Variants in NECAB3 observed in about 807,000 individuals in gnomAD.
NECAB3 encodes N-terminal EF-hand calcium binding protein 3.
NECAB3 carries 38 observed loss-of-function variants against 57.2 expected under a neutral mutation model. The observed-to-expected ratio is 0.66, with a 90% CI of 0.51 to 0.87. The LOEUF (loss-of-function observed/expected upper bound fraction) is 0.87, where lower values mean the gene tolerates loss of function less well. NECAB3 is among the 40% of genes least tolerant of loss of function. NECAB3 has a pLI of 0.00. For missense variants in NECAB3, 474 were observed against 527.5 expected (o/e 0.90, Z 0.99); for synonymous variants, 223 against 222.6 (o/e 1.00, Z -0.02).
intron 5 of NECAB3, chr20:33,662,716 G>A: frequency 2.1e-6 from 1 of 472,056 alleles, no homozygotes; most frequent in Admixed American, 3.6e-5. Context: ...AAGGTGGGTG[G>A]ATAACTTCAG....
intron 5 of NECAB3, chr20:33,667,608 G>A: frequency 2.5e-6 from 4 of 1,589,360 alleles, no homozygotes; most frequent in South Asian, 1.1e-5. Context: ...CGGGTCACTC[G>A]TGGCACCAGG....
chr20:33,669,452 C>A lies in NECAB3; in HGVS notation c.310G>T (p.Gly104Cys), dbSNP rs201506050. The change falls in exon 5 of 12, where the codon GGT becomes TGT. Residue 104 changes from glycine to cysteine, a missense_variant. Coordinates refer to ENST00000246190, the MANE Select transcript of NECAB3 (RefSeq NM_031232.4). Reference protein sequence around the residue: ...KLCDYFSEHLGVYRPVLAALE... With the variant: ...KLCDYFSEHLCVYRPVLAALE... ...GCAGCCAGCACCGGCCGGTAGACAC[C>A]CAGGTGCTCTGAGAAGTAGTCTGCA... The A allele has an allele frequency of 6.2e-7, 1 of 1,613,720 alleles. No individual in the cohort carries two copies. The highest frequency in any genetic ancestry group is 2.2e-5 in the East Asian group (1 of 44,882).
chr20:33,672,835 C>T (rs1051332816), intron 1 of NECAB3, among the ~76,000 whole-genome samples: 3 of 152,192 alleles, frequency 2.0e-5, no homozygotes, highest in Non-Finnish European at 2.9e-5. Context: ...ACCTGAGCCC[C>T]GAGCTCTGCT....
intron 3 of NECAB3, 91 bp downstream of exon 3, chr20:33,670,593 C>T: frequency 1.1e-6 from 1 of 908,650 alleles, no homozygotes; most frequent in Non-Finnish European, 1.7e-6. Flanking sequence ...CCCTCTTCCT[C>T]ATCCTACAAA....
At chr20:33,663,663 TAGCG>T in intron 5 of NECAB3, 1 of 1,581,576 alleles carries the variant, frequency 6.3e-7, no homozygotes, top group African/African-American at 1.4e-5. Context: ...CGGGCGAAGG[TAGCG>T]AGCGCGAGCC....
At chr20:33,663,839 G>C (rs1043868980) in intron 5 of NECAB3, 2 of 1,401,292 alleles carry the variant, frequency 1.4e-6, no homozygotes, top group East Asian at 3.0e-5. Context: ...CCGCGCAAAC[G>C]GTGCCGCTGC....
intron 4 of NECAB3, 72 bp from the exon 5 acceptor site, chr20:33,669,544 T>C: frequency 1.3e-6 from 2 of 1,509,244 alleles, no homozygotes; most frequent in Non-Finnish European, 1.8e-6. Context: ...TCTGGCCCCC[T>C]GGAATTCCTC....
chr20:33,668,218 T>C (rs1352367744), intron 5 of NECAB3: 1 of 1,596,800 alleles, frequency 6.3e-7, no homozygotes, highest in Non-Finnish European at 8.5e-7. Flanking sequence ...CAGGCTGCTG[T>C]ACGATGTGTT....
chr20:33,669,425 A>G lies in NECAB3; in HGVS notation c.337T>C (p.Leu113=). 1.2e-6 allele frequency: 2 copies of G among 1,613,616 alleles called. No individual in the cohort carries two copies. Among genetic ancestry groups the G allele is most frequent in the Non-Finnish European group, 1.7e-6 (2 of 1,180,004 alleles). Residue 113 remains leucine (L), a synonymous_variant, in exon 5 of 12, where the codon TTG becomes CTG. Transcript: ENST00000246190. ...LGVYRPVLAA[L]ESLNRAVLAA... ...AGCACTGCACGGTTCAGCGATTCCA[A>G]TGCAGCCAGCACCGGCCGGTAGACA...
At position 33,674,372 on chromosome 20, in the gene NECAB3, G is replaced by A. The variant is rs2017905562; in HGVS notation, c.-20C>T. 1 of 1,165,862 alleles carries A rather than the reference G, an allele frequency of 8.6e-7. No homozygotes were observed. The highest frequency in any genetic ancestry group is 1.1e-6 in the Non-Finnish European group (1 of 945,660). 72.2% of individuals were successfully genotyped at this position (1,165,862 alleles called of 1,614,324 possible). A position where few individuals can be genotyped will look rare whatever the true frequency, so the allele number is the denominator to read the frequency against. On this transcript the variant is annotated 5_prime_UTR_variant, in exon 1 of 12. Coordinates refer to ENST00000246190, the MANE Select transcript of NECAB3 (RefSeq NM_031232.4). Reference sequence around the variant, plus strand: ...CGCCATGGCGCCGCCACCCGCTCGGGCTCGGCTGCGGTTGCTGCCGACCCT... The same window carrying A: ...CGCCATGGCGCCGCCACCCGCTCGGACTCGGCTGCGGTTGCTGCCGACCCT...
At chr20:33,657,893 G>A in intron 11 of NECAB3, 36 bp from the exon 12 acceptor site, 2 of 1,547,570 alleles carry the variant, frequency 1.3e-6, no homozygotes, top group South Asian at 1.2e-5. Flanking sequence ...GAGCCCTCAG[G>A]AGCCCACTGC....
intron 5 of NECAB3, chr20:33,663,922 G>T: frequency 7.4e-7 from 1 of 1,345,610 alleles, no homozygotes; most frequent in South Asian, 1.7e-5. Context: ...TGGCGCCTGC[G>T]AACCCTGTCG....
intron 5 of NECAB3, chr20:33,663,420 T>C: frequency 8.6e-7 from 1 of 1,157,890 alleles, no homozygotes; most frequent in Non-Finnish European, 1.2e-6. Flanking sequence ...AGGACCCGGG[T>C]GGACGACAGG....
Position 33,668,412 on chromosome 20 carries a change from C to T in NECAB3, c.387+963G>A, listed in dbSNP as rs1204891629. The stretch of plus-strand genomic sequence containing the variant: ...GGACCCATGGGACCCTCATTTTGAA[C>T]TGCAGTTTGAATCTCCCCAACCACT... On this transcript the variant is annotated intron_variant, in intron 5 of 11. Transcript: ENST00000246190. 5 of 860,772 alleles carry T rather than the reference C, an allele frequency of 5.8e-6. No individual in the cohort carries two copies. The East Asian group carries it at 1.2e-4, about 20-fold the overall frequency. The allele number at this position is 860,772 out of a possible 1,614,324, so 53.3% of individuals were successfully genotyped here.
chr20:33,660,153 C>T lies in NECAB3; in HGVS notation c.524+106G>A. On this transcript the variant is annotated intron_variant, in intron 6 of 11. Coordinates refer to ENST00000246190, the MANE Select transcript of NECAB3 (RefSeq NM_031232.4). This position sits in a 1 kb window ranked among gnomAD's most constrained non-coding sequence, Gnocchi z 4.1. ...CATGGCTACCCTGCCATGGCTTCCC[C>T]GCCCGAAAATGCAGGCTCCAGGATG... The T allele has an allele frequency of 2.0e-6, 3 of 1,534,370 alleles. No homozygotes were observed. The highest frequency in any genetic ancestry group is 1.9e-5 in the Admixed American group (1 of 51,834).
chr20:33,662,700 T>C, intron 5 of NECAB3: 1 of 510,756 alleles, frequency 2.0e-6, no homozygotes. Context: ...AACACGTTGG[T>C]AGGCCAAGGT....
At chr20:33,657,921 G>A in intron 11 of NECAB3, 21 bp downstream of exon 11, 1 of 1,551,728 alleles carries the variant, frequency 6.4e-7, no homozygotes, top group Non-Finnish European at 8.7e-7. Context: ...GGGCCACAGT[G>A]AGTGGGGGTC....
At chr20:33,662,251 G>A in intron 5 of NECAB3, 1 of 1,477,108 alleles carries the variant, frequency 6.8e-7, no homozygotes. Context: ...CCTGCAATTG[G>A]TGAGGTCAGC....
intron 10 of NECAB3, among the ~76,000 whole-genome samples, 157 bp downstream of exon 10, chr20:33,658,320 A>G (rs1343270916): frequency 6.6e-6 from 1 of 152,082 alleles, no homozygotes; most frequent in Non-Finnish European, 1.5e-5. Flanking sequence ...TGGAACTGTT[A>G]TCACTTCCAT....
Sources: gnomAD v4.1 joint callset for allele counts (sites outside exome capture counted in the v4.1 genomes callset) on GRCh38, gnomAD v4.1.1 for gene constraint, Gnocchi (gnomAD v3.1) non-coding constraint, MANE v1.5 for transcripts, NCBI Gene and HGNC (gene_info 2026-07-23, HGNC 2026-07-21) for gene names.